USP20: variants seen among roughly 807,000 people sequenced by gnomAD.
USP20 encodes ubiquitin specific peptidase 20, also known as ubiquitin carboxyl-terminal hydrolase 20.
USP20 carries 80 observed loss-of-function variants against 124.2 expected under a neutral mutation model. The ratio of observed to expected loss-of-function variants is 0.64; its 90% CI spans 0.54 to 0.78. USP20 has a LOEUF of 0.78. Ranked by LOEUF, USP20 falls within the 30% of genes least tolerant of loss-of-function variation. USP20 has a pLI of 0.00. For synonymous variants in USP20, 481 were observed against 512.3 expected, an observed-to-expected ratio of 0.94 and a Z score of 0.83; for missense variants, 1,043 against 1,244.4, an observed-to-expected ratio of 0.84 and a Z score of 2.44.
At chr9:129,845,730 A>C (rs982922868) in intron 1 of USP20, among the ~76,000 whole-genome samples, 2 of 152,100 alleles carry the variant, frequency 1.3e-5, no homozygotes, top group African/African-American at 4.8e-5. Flanking sequence ...TAACACAGTC[A>C]TTCAGGAAGC....
In USP20 at chr9:129,868,346, G is replaced by A. The variant is rs779707770; in HGVS notation, c.1032G>A (p.Val344=). The stretch of plus-strand genomic sequence containing the variant: ...AGCAGCGTACAAACTCGGAGCAAGT[G>A]GACGAGGACGCTGATGTGGACACTG... ...WGQQRTNSEQ[V]DEDADVDTAM... The change falls in exon 11 of 26, where the codon GTG becomes GTA. Residue 344 remains valine, a synonymous_variant. Transcript: ENST00000372429. 2.5e-6 allele frequency: 4 copies of A among 1,612,200 alleles called. No individual in the cohort carries two copies. Among genetic ancestry groups the A allele is most frequent in the Non-Finnish European group, 3.4e-6 (4 of 1,179,680 alleles).
intron 12 of USP20, 129 bp downstream of exon 12, chr9:129,869,131 C>A: frequency 7.1e-7 from 1 of 1,410,154 alleles, no homozygotes; most frequent in Non-Finnish European, 9.5e-7. Flanking sequence ...ACCCCTGAGA[C>A]ACCAGTGTGG....
rs2033761844 is a variant in USP20, at chr9:129,865,190, A to C, written c.612-113A>C. The stretch of plus-strand genomic sequence containing the variant: ...CCTGGCTGAGTAGGCCCCTCCCCAA[A>C]TGTCAGGAAACGCCACACTCTGATC... On this transcript the variant is annotated intron_variant, in intron 9 of 25. Transcript: ENST00000372429. 5 of 1,124,060 alleles carry C rather than the reference A, an allele frequency of 4.4e-6. No individual in the cohort carries two copies. In the Admixed American group the frequency reaches 9.1e-5, roughly 21 times the overall value. The allele number at this position is 1,124,060 out of a possible 1,614,324, so 69.6% of individuals were successfully genotyped here. A position where few individuals can be genotyped will look rare whatever the true frequency, so the allele number is the denominator to read the frequency against.
chr9:129,844,034 C>T (rs929430163), intron 1 of USP20, among the ~76,000 whole-genome samples: 1 of 152,214 alleles, frequency 6.6e-6, no homozygotes, highest in Non-Finnish European at 1.5e-5. Flanking sequence ...CACCATTGCA[C>T]TCCAGCCTGG....
rs997930466 is a variant in USP20 at position 129,880,040 on chromosome 9, C to T, written c.2585-73C>T. On this transcript the variant is annotated intron_variant, in intron 24 of 25. Coordinates refer to ENST00000372429, the MANE Select transcript of USP20 (RefSeq NM_001110303.4). ...CGCTTCGGGGCCTGGCCCTGCGGAGCCCCCACTGCCCAGGCCGGTGGCTTC... is the reference window on the plus strand; with the variant it reads ...CGCTTCGGGGCCTGGCCCTGCGGAGTCCCCACTGCCCAGGCCGGTGGCTTC... 12 of 1,554,086 alleles carry T rather than the reference C, an allele frequency of 7.7e-6. No homozygotes were observed. The African/African-American group carries it at 1.2e-4, about 16-fold the overall frequency.
chr9:129,868,209 G>A lies in USP20; in HGVS notation c.895G>A (p.Gly299Arg), dbSNP rs779230045. 2.5e-6 allele frequency: 4 copies of A among 1,613,984 alleles called. No individual in the cohort carries two copies. The highest frequency in any genetic ancestry group is 3.4e-6 in the Non-Finnish European group (4 of 1,179,922). The change falls in exon 11 of 26, where the codon GGG becomes AGG. Residue 299 changes from glycine to arginine, a missense_variant. Transcript: ENST00000372429. ...TGACCGGGGTGAGGGTGACGGGCAGGGGCGTGGCGGGGGCAGCTCGCAGGC... is the reference window on the plus strand; with the variant it reads ...TGACCGGGGTGAGGGTGACGGGCAGAGGCGTGGCGGGGGCAGCTCGCAGGC... ...SSDRGEGDGQ[G>R]RGGGSSQAET...
intron 1 of USP20, among the ~76,000 whole-genome samples, chr9:129,844,701 AT>A (rs796936814): frequency 8.6e-5 from 13 of 150,688 alleles, no homozygotes; most frequent in South Asian, 2.1e-4. Context: ...AGGTAACCAT[AT>A]TTTTTTTCCT....
intron 1 of USP20, among the ~76,000 whole-genome samples, chr9:129,848,115 G>A (rs1216440446): frequency 6.6e-6 from 1 of 152,062 alleles, no homozygotes; most frequent in African/African-American, 2.4e-5. Flanking sequence ...TGACCAACAT[G>A]GAGAAACTCC....
At chr9:129,851,258 C>CTTTTTTTTTTTT (rs35791819) in intron 2 of USP20, among the ~76,000 whole-genome samples, 3 of 126,206 alleles carry the variant, frequency 2.4e-5, no homozygotes, top group Non-Finnish European at 3.3e-5. Context: ...ATAACACATA[C>CTTTTTTTTTTTT]TTTTTTTTTT....
At chr9:129,876,301 T>C (rs1014363627) in intron 22 of USP20, 63 bp downstream of exon 22, 11 of 1,428,760 alleles carry the variant, frequency 7.7e-6, no homozygotes, top group South Asian at 4.8e-5. Flanking sequence ...AGCTGGGGAC[T>C]TGGGGACAGA....
rs191782443 is a variant in USP20, at chr9:129,872,866, C to A, written c.1661-616C>A. On this transcript the variant is annotated intron_variant, in intron 15 of 25. Coordinates refer to ENST00000372429, the MANE Select transcript of USP20 (RefSeq NM_001110303.4). Reference sequence around the variant, plus strand: ...TATCTCAAAAAAATTGTTTCAAATACATTTTCTGTAATTAATGTTGCACTT... The same window carrying A: ...TATCTCAAAAAAATTGTTTCAAATAAATTTTCTGTAATTAATGTTGCACTT... 1.8e-4 allele frequency among the ~76,000 whole-genome samples: 28 copies of A among 152,142 alleles called. No homozygotes were observed. In the East Asian group the frequency reaches 5.2e-3, roughly 28 times the overall value.
At chr9:129,844,020 A>G (rs1191508366) in intron 1 of USP20, among the ~76,000 whole-genome samples, 4 of 152,106 alleles carry the variant, frequency 2.6e-5, no homozygotes, top group African/African-American at 9.7e-5. Context: ...GTGAACCATG[A>G]TCACACCATT....
chr9:129,866,962 G>T (rs190638957), intron 10 of USP20, among the ~76,000 whole-genome samples: 2 of 152,258 alleles, frequency 1.3e-5, no homozygotes, highest in East Asian at 3.9e-4. Context: ...GCCTTGGGGA[G>T]TCCCTCCTGA....
Position 129,835,512 on chromosome 9 carries a change from C to A in USP20, c.-129+13C>A. 1 of 302,040 alleles carries A rather than the reference C, an allele frequency of 3.3e-6. No individual in the cohort carries two copies. 18.7% of individuals were successfully genotyped at this position (302,040 alleles called of 1,614,324 possible). ...GTTGCGAGTGCAGGTGAGTTCCGGG[C>A]CGCCACCGGCTGCTTCTGTGGGCCG... On this transcript the variant is annotated intron_variant, in intron 1 of 25. Coordinates refer to ENST00000372429, the MANE Select transcript of USP20 (RefSeq NM_001110303.4).
chr9:129,840,065 G>A (rs546543108), intron 1 of USP20, among the ~76,000 whole-genome samples: 6 of 152,326 alleles, frequency 3.9e-5, no homozygotes, highest in Non-Finnish European at 7.3e-5. Context: ...CCTGCCCCAA[G>A]AGAGGAGGCT....
intron 1 of USP20, among the ~76,000 whole-genome samples, chr9:129,842,660 C>T (rs1283029653): frequency 6.7e-6 from 1 of 148,318 alleles, no homozygotes. Flanking sequence ...ATGGCGTGAT[C>T]TCGGCTCACT....
intron 6 of USP20, among the ~76,000 whole-genome samples, chr9:129,860,577 T>G (rs1173369513): frequency 2.0e-5 from 3 of 152,050 alleles, no homozygotes; most frequent in Non-Finnish European, 2.9e-5. Flanking sequence ...ATAAAAAGGT[T>G]AGCTGGGTGC....
At chr9:129,874,808 C>T in intron 18 of USP20, 21 bp from the exon 19 acceptor site, 2 of 1,614,014 alleles carry the variant, frequency 1.2e-6, no homozygotes, top group Middle Eastern at 1.6e-4. Context: ...TCCCTGTGAC[C>T]CGTCTGCTCT....
At chr9:129,861,229 C>T (rs1244443211) in intron 7 of USP20, among the ~76,000 whole-genome samples, 196 bp downstream of exon 7, 1 of 152,196 alleles carries the variant, frequency 6.6e-6, no homozygotes. Flanking sequence ...GGAGAGCTGG[C>T]TATCTTGTCC....
Sources: gnomAD v4.1 joint callset for allele counts (sites outside exome capture counted in the v4.1 genomes callset) on GRCh38, gnomAD v4.1.1 for gene constraint, MANE v1.5 for transcripts, NCBI Gene and HGNC (gene_info 2026-07-23, HGNC 2026-07-21) for gene names.